Variants in MTUS2 observed in about 807,000 individuals in gnomAD.
MTUS2 encodes the protein microtubule-associated tumor suppressor candidate 2.
In MTUS2, 40 loss-of-function variants were observed where a neutral mutation model predicts 114.1. The ratio of observed to expected loss-of-function variants is 0.35; its 90% CI spans 0.27 to 0.46. The LOEUF is 0.46. Ranked by LOEUF, MTUS2 falls within the 20% of genes least tolerant of loss-of-function variation. MTUS2 has a pLI of 1.00. For missense variants in MTUS2, 1,679 were observed against 1,705.4 expected, an observed-to-expected ratio of 0.98 and a Z score of 0.27; for synonymous variants, 688 against 672.0, an observed-to-expected ratio of 1.02 and a Z score of -0.37.
intron 8 of MTUS2, chr13:29,428,478 T>A (rs1876721887): frequency 3.6e-6 from 1 of 275,744 alleles, no homozygotes. Flanking sequence ...GAGCAGGCTG[T>A]CCTTTTAGGG....
chr13:29,301,318 T>A (rs2139607363), intron 6 of MTUS2, among the ~76,000 whole-genome samples: 1 of 152,312 alleles, frequency 6.6e-6, no homozygotes, highest in Admixed American at 6.5e-5. Flanking sequence ...ACACAGCTGC[T>A]GTGGCCCAGA....
rs779627131 is a variant in MTUS2, at chr13:29,026,527, C to T, written c.1829C>T (p.Ser610Phe). The change falls in exon 3 of 16, where the codon TCC (serine) becomes TTC (phenylalanine). Residue 610 changes from serine to phenylalanine, a missense_variant. By Grantham distance (155) the Ser-to-Phe change is radical. This residue lies in a region of MTUS2 where 843 missense variants were observed against 770.8 expected (regional missense o/e 1.09). Transcript: ENST00000612955. ...PVFTHSKDTP[S>F]SQEGMENYQV... Reference sequence around the variant, plus strand: ...TTCACACATTCCAAGGACACACCTTCCTCGCAGGAGGGAATGGAGAACTAT... The same window carrying T: ...TTCACACATTCCAAGGACACACCTTTCTCGCAGGAGGGAATGGAGAACTAT... 32 of 1,613,854 alleles carry T rather than the reference C, an allele frequency of 2.0e-5. No individual in the cohort carries two copies. The highest frequency in any genetic ancestry group is 4.2e-6 in the Non-Finnish European group (5 of 1,179,898).
At chr13:29,406,074 A>G (rs577397966) in intron 8 of MTUS2, among the ~76,000 whole-genome samples, 28 of 152,228 alleles carry the variant, frequency 1.8e-4, no homozygotes, top group Non-Finnish European at 3.2e-4. Flanking sequence ...ACATCTTGCC[A>G]TATTTGCTTT....
intron 8 of MTUS2, among the ~76,000 whole-genome samples, chr13:29,410,758 T>C (rs1875167667): frequency 6.6e-6 from 1 of 152,196 alleles, no homozygotes; most frequent in African/African-American, 2.4e-5. Context: ...ATTTATTAGT[T>C]TTTTATTGCA....
intron 5 of MTUS2, among the ~76,000 whole-genome samples, chr13:29,252,689 C>G (rs1463065352): frequency 2.0e-5 from 3 of 152,102 alleles, no homozygotes; most frequent in Non-Finnish European, 4.4e-5. Flanking sequence ...GGCAGTTTCC[C>G]CCATACTGTT....
At position 29,291,667 on chromosome 13, in the gene MTUS2, G is replaced by A. The variant is rs576406371; in HGVS notation, c.2806+9802G>A. Among the ~76,000 whole-genome samples, 132 of 152,262 alleles carry A rather than the reference G, an allele frequency of 8.7e-4. 2 individuals are homozygous for A. The highest frequency in any genetic ancestry group is 4.1e-3 in the Admixed American group (62 of 15,300). ...TGAGATGGTTGAGGTCGTAGGGCTC[G>A]CTCGTTTAGAATATGTCTTGTCCTT... On this transcript the variant is annotated intron_variant, in intron 6 of 15. Coordinates refer to ENST00000612955, the MANE Select transcript of MTUS2 (RefSeq NM_001033602.4).
intron 5 of MTUS2, among the ~76,000 whole-genome samples, chr13:29,177,897 T>C (rs907451959): frequency 6.6e-5 from 10 of 152,134 alleles, no homozygotes; most frequent in Admixed American, 5.2e-4. Flanking sequence ...TCTCCCAGGA[T>C]CCCTCAGATT....
At chr13:29,308,831 A>C (rs574549505) in intron 6 of MTUS2, among the ~76,000 whole-genome samples, 1 of 152,244 alleles carries the variant, frequency 6.6e-6, no homozygotes, top group Non-Finnish European at 1.5e-5. Flanking sequence ...AATGCAAGTC[A>C]AAACCACAAT....
At chr13:29,497,437 G>A (rs1882625684) in intron 13 of MTUS2, 101 bp downstream of exon 13, 1 of 989,012 alleles carries the variant, frequency 1.0e-6, no homozygotes, top group Non-Finnish European at 1.6e-6. Context: ...GCCTCTCTGT[G>A]AATCCGCTGC....
intron 2 of MTUS2, among the ~76,000 whole-genome samples, chr13:28,875,506 C>T (rs909910398): frequency 1.3e-5 from 2 of 152,090 alleles, no homozygotes; most frequent in East Asian, 3.9e-4. Flanking sequence ...CTTCAGTGTT[C>T]TGTATTCATG....
At chr13:28,840,763 C>A (rs1372883035) in intron 2 of MTUS2, among the ~76,000 whole-genome samples, 1 of 152,122 alleles carries the variant, frequency 6.6e-6, no homozygotes, top group Non-Finnish European at 1.5e-5. Flanking sequence ...AAGGTCTGGT[C>A]ATAGAGGACA....
intron 8 of MTUS2, among the ~76,000 whole-genome samples, chr13:29,429,214 C>G (rs1264063093): frequency 6.6e-6 from 1 of 152,242 alleles, no homozygotes; most frequent in East Asian, 1.9e-4. Context: ...TTGCAATATT[C>G]TTAATGCATT....
At chr13:29,292,742 G>A (rs1018497612) in intron 6 of MTUS2, among the ~76,000 whole-genome samples, 4 of 151,122 alleles carry the variant, frequency 2.6e-5, no homozygotes, top group South Asian at 2.1e-4. Context: ...TTTTCATTTC[G>A]GAAAAGATCC....
intron 5 of MTUS2, among the ~76,000 whole-genome samples, chr13:29,171,774 C>T (rs1010367684): frequency 6.6e-6 from 1 of 152,214 alleles, no homozygotes; most frequent in Non-Finnish European, 1.5e-5. Context: ...AACTGTAGTT[C>T]AATGCTTCTA....
At chr13:29,307,489 G>A in intron 6 of MTUS2, 1 of 1,286,394 alleles carries the variant, frequency 7.8e-7, no homozygotes, top group Admixed American at 1.8e-5. Flanking sequence ...TGTCCCCACT[G>A]CCAACTTGTC....
At chr13:29,110,227 A>G (rs1319206805) in intron 5 of MTUS2, among the ~76,000 whole-genome samples, 1 of 152,250 alleles carries the variant, frequency 6.6e-6, no homozygotes, top group African/African-American at 2.4e-5. Flanking sequence ...CTCAAAATAG[A>G]AAGTGAGAGT....
At position 29,291,355 on chromosome 13, in the gene MTUS2, A is replaced by G. The variant is rs548083516; in HGVS notation, c.2806+9490A>G. On this transcript the variant is annotated intron_variant, in intron 6 of 15. Transcript: ENST00000612955. The stretch of plus-strand genomic sequence containing the variant: ...CCTGAGTCTTGGCCCAAATCTACCA[A>G]GAAACTAATTTCAATGGTGTCTTAA... Among the ~76,000 whole-genome samples the G allele has an allele frequency of 1.1e-4, 17 of 152,358 alleles. No individual in the cohort carries two copies. The East Asian group carries it at 2.7e-3, about 24-fold the overall frequency.
At position 29,025,764 on chromosome 13, in the gene MTUS2, G is replaced by A; in HGVS notation, c.1066G>A (p.Ala356Thr). Reference protein sequence around the residue: ...RDPCGEAHPEATDALGHLLNS... With the variant: ...RDPCGEAHPETTDALGHLLNS... ...TCCATGTGGGGAAGCACACCCGGAA[G>A]CCACCGATGCACTTGGCCATCTGCT... The change falls in exon 3 of 16, where the codon GCC becomes ACC. Residue 356 changes from alanine to threonine, a missense_variant. Transcript: ENST00000612955. 1 of 1,614,004 alleles carries A rather than the reference G, an allele frequency of 6.2e-7. No individual in the cohort carries two copies. Among genetic ancestry groups the A allele is most frequent in the East Asian group, 2.2e-5 (1 of 44,872 alleles).
Position 29,452,466 on chromosome 13 carries a change from C to T in MTUS2, c.3184+12417C>T, listed in dbSNP as rs555025806. ...TCTGTCACCTAGGCTGGAGTGCAGACGTGCAATTGTAACTCCTGGGCTCAA... is the reference window on the plus strand; with the variant it reads ...TCTGTCACCTAGGCTGGAGTGCAGATGTGCAATTGTAACTCCTGGGCTCAA... On this transcript the variant is annotated intron_variant, in intron 9 of 15. Coordinates refer to ENST00000612955, the MANE Select transcript of MTUS2 (RefSeq NM_001033602.4). 1.4e-4 allele frequency among the ~76,000 whole-genome samples: 22 copies of T among 151,924 alleles called. No homozygotes were observed. In the South Asian group the frequency reaches 1.9e-3, roughly 13 times the overall value.
Sources: allele counts gnomAD v4.1 joint callset (sites outside exome capture counted in the v4.1 genomes callset), GRCh38; gene constraint gnomAD v4.1.1; regional missense constraint gnomAD v4.1.1; transcripts MANE v1.5; gene names NCBI Gene and HGNC (gene_info 2026-07-23, HGNC 2026-07-21).